The following PTPRM variants were observed in gnomAD, a reference collection of about 807,000 sequenced individuals.
The protein encoded by PTPRM is protein tyrosine phosphatase receptor type M.
In PTPRM, 47 loss-of-function variants were observed where a neutral mutation model predicts 186.7. The observed-to-expected ratio is 0.25, with a 90% CI of 0.20 to 0.32. PTPRM has a LOEUF of 0.32. PTPRM is among the 10% of genes least tolerant of loss of function. PTPRM has a pLI of 1.00. For synonymous variants in PTPRM, 668 were observed against 674.9 expected (o/e 0.99, Z 0.16); for missense variants, 1,494 against 1,865.0 (o/e 0.80, Z 3.66).
intron 14 of PTPRM, among the ~76,000 whole-genome samples, chr18:8,153,575 G>A (rs2093058494): frequency 6.6e-6 from 1 of 152,178 alleles, no homozygotes; most frequent in South Asian, 2.1e-4. Flanking sequence ...GAATTAGCCA[G>A]TATACCATGC....
At chr18:7,728,408 A>G in intron 1 of PTPRM, among the ~76,000 whole-genome samples, 1 of 152,334 alleles carries the variant, frequency 6.6e-6, no homozygotes, top group Non-Finnish European at 1.5e-5. Context: ...CCACCTCACA[A>G]ATTGAATACC....
chr18:7,780,338 A>G (rs2042795057), intron 2 of PTPRM, among the ~76,000 whole-genome samples: 1 of 152,214 alleles, frequency 6.6e-6, no homozygotes, highest in African/African-American at 2.4e-5. Flanking sequence ...CCATGGCACA[A>G]CGACAGCCTT....
intron 2 of PTPRM, among the ~76,000 whole-genome samples, chr18:7,785,440 T>TGA (rs10538608): frequency 0.018 from 2,708 of 151,066 alleles, 18 homozygotes; most frequent in Non-Finnish European, 0.026. Context: ...GTGTGTATGT[T>TGA]GAGAGAGAGA....
intron 2 of PTPRM, among the ~76,000 whole-genome samples, chr18:7,873,282 C>G (rs957762972): frequency 6.6e-6 from 1 of 151,946 alleles, no homozygotes; most frequent in Non-Finnish European, 1.5e-5. Context: ...TTCTAATGCA[C>G]TTTTTTTTGT....
chr18:8,124,683 C>T (rs2092283327), intron 13 of PTPRM, among the ~76,000 whole-genome samples: 2 of 152,126 alleles, frequency 1.3e-5, no homozygotes, highest in Non-Finnish European at 1.5e-5. Flanking sequence ...TATTTCAAAC[C>T]GTTTCTCACT....
chr18:7,707,896 C>T (rs1302741908), intron 1 of PTPRM, among the ~76,000 whole-genome samples: 1 of 152,066 alleles, frequency 6.6e-6, no homozygotes, highest in Non-Finnish European at 1.5e-5. Flanking sequence ...CTTCAAAGTC[C>T]CTGCCACTAC....
intron 14 of PTPRM, among the ~76,000 whole-genome samples, chr18:8,212,922 A>G (rs2094027253): frequency 6.6e-6 from 1 of 152,194 alleles, no homozygotes; most frequent in Admixed American, 6.5e-5. Context: ...TCTTATGAAC[A>G]TTCTTCCTAG....
chr18:7,643,225 T>C (rs2038485540), intron 1 of PTPRM, among the ~76,000 whole-genome samples: 1 of 152,186 alleles, frequency 6.6e-6, no homozygotes, highest in African/African-American at 2.4e-5. Context: ...TTCCCTAGTA[T>C]AATGCTTTAT....
intron 1 of PTPRM, among the ~76,000 whole-genome samples, chr18:7,600,097 C>T (rs2037362282): frequency 6.6e-6 from 1 of 152,162 alleles, no homozygotes; most frequent in African/African-American, 2.4e-5. Context: ...GACTCTGGGG[C>T]CCACCAATCT....
intron 7 of PTPRM, among the ~76,000 whole-genome samples, chr18:7,985,266 CATATAATAGT>C (rs2082867125): frequency 6.6e-5 from 5 of 75,780 alleles, no homozygotes; most frequent in South Asian, 3.7e-4. Flanking sequence ...TAAATATATA[CATATAATAGT>C]ATATACACAT....
chr18:7,853,335 A>T (rs977647705), intron 2 of PTPRM, among the ~76,000 whole-genome samples: 1 of 152,194 alleles, frequency 6.6e-6, no homozygotes, highest in African/African-American at 2.4e-5. Context: ...CTCAGCTTGA[A>T]GTAGGAGAGA....
intron 11 of PTPRM, among the ~76,000 whole-genome samples, chr18:8,107,467 C>T (rs2091573612): frequency 6.6e-6 from 1 of 152,200 alleles, no homozygotes; most frequent in South Asian, 2.1e-4. Context: ...AACCTTTCAT[C>T]TGTAATTAAT....
At chr18:7,660,620 T>A (rs2038957388) in intron 1 of PTPRM, among the ~76,000 whole-genome samples, 1 of 152,128 alleles carries the variant, frequency 6.6e-6, no homozygotes, top group Admixed American at 6.5e-5. Flanking sequence ...CCTGCTCATG[T>A]TTTCCCTGAG....
At chr18:8,340,402 TA>T (rs145208712) in intron 22 of PTPRM, among the ~76,000 whole-genome samples, 28,133 of 152,216 alleles carry the variant, frequency 0.18, 3,221 homozygotes, top group Non-Finnish European at 0.26. Context: ...AATCTTTTTT[TA>T]GCGTAGGTCA....
intron 14 of PTPRM, among the ~76,000 whole-genome samples, chr18:8,223,054 T>C (rs1048892636): frequency 5.9e-5 from 9 of 152,134 alleles, no homozygotes; most frequent in African/African-American, 1.9e-4. Flanking sequence ...CGAAACCCCG[T>C]CTCTACTAAG....
chr18:7,771,909 A>G (rs1193727716), intron 1 of PTPRM, among the ~76,000 whole-genome samples: 2 of 152,218 alleles, frequency 1.3e-5, no homozygotes, highest in African/African-American at 4.8e-5. Context: ...ATAAATGGAG[A>G]GTCCTGGATT....
At chr18:8,384,200 G>A (rs946844551) in intron 29 of PTPRM, among the ~76,000 whole-genome samples, 2 of 152,180 alleles carry the variant, frequency 1.3e-5, no homozygotes, top group African/African-American at 4.8e-5. Flanking sequence ...TCCCACATCC[G>A]TAATCCCAGC....
chr18:8,005,638 T>G (rs2084135385), intron 7 of PTPRM, among the ~76,000 whole-genome samples: 1 of 152,156 alleles, frequency 6.6e-6, no homozygotes, highest in Non-Finnish European at 1.5e-5. Context: ...TCCAGCAGTA[T>G]TTTTCTTTGT....
chr18:8,102,233 G>A (rs1355541740), intron 11 of PTPRM, among the ~76,000 whole-genome samples: 1 of 152,146 alleles, frequency 6.6e-6, no homozygotes, highest in Non-Finnish European at 1.5e-5. Flanking sequence ...TAATCAGGGT[G>A]GTAGTTTCTG....
Sources: allele counts gnomAD v4.1 joint callset (sites outside exome capture counted in the v4.1 genomes callset), GRCh38; gene constraint gnomAD v4.1.1; transcripts MANE v1.5; gene names NCBI Gene and HGNC (gene_info 2026-07-23, HGNC 2026-07-21).